NAV2: variants seen among roughly 807,000 people sequenced by gnomAD.
The protein encoded by NAV2 is neuron navigator 2.
Under a neutral mutation model 223.2 loss-of-function variants are expected in NAV2, and 54 were observed. The observed-to-expected ratio is 0.24, with a 90% CI of 0.19 to 0.30. NAV2 has a LOEUF of 0.30. Ranked by LOEUF, NAV2 falls within the 10% of genes least tolerant of loss-of-function variation. The pLI is 1.00. For synonymous variants in NAV2, 1,279 were observed against 1,239.3 expected (o/e 1.03, Z -0.67); for missense variants, 2,806 against 3,147.5 (o/e 0.89, Z 2.60).
chr11:19,872,114 A>C (rs903748703), intron 4 of NAV2, among the ~76,000 whole-genome samples: 13 of 152,138 alleles, frequency 8.5e-5, no homozygotes, highest in African/African-American at 3.1e-4. Flanking sequence ...CAAACTTACA[A>C]AAAGCAAGGG....
chr11:19,750,389 C>G (rs2053711101), intron 1 of NAV2, among the ~76,000 whole-genome samples: 1 of 152,192 alleles, frequency 6.6e-6, no homozygotes, highest in African/African-American at 2.4e-5. Flanking sequence ...ATTTTCTCCC[C>G]AGGTATTTTT....
chr11:19,825,826 A>G (rs993047229), intron 1 of NAV2, among the ~76,000 whole-genome samples: 1 of 152,152 alleles, frequency 6.6e-6, no homozygotes, highest in Non-Finnish European at 1.5e-5. Flanking sequence ...TTTGATGTGG[A>G]ATGATGTGGA....
At chr11:19,548,021 C>T (rs1415632694) in intron 1 of NAV2, among the ~76,000 whole-genome samples, 1 of 152,318 alleles carries the variant, frequency 6.6e-6, no homozygotes, top group East Asian at 1.9e-4. Context: ...CCACACATCA[C>T]CTAGCTGGTG....
chr11:19,867,362 T>G (rs780275258), intron 3 of NAV2, among the ~76,000 whole-genome samples: 8 of 152,224 alleles, frequency 5.3e-5, no homozygotes, highest in Non-Finnish European at 1.0e-4. Flanking sequence ...CCATTGACAT[T>G]GACCTGTGTA....
intron 3 of NAV2, among the ~76,000 whole-genome samples, chr11:19,844,946 G>C (rs116128919): frequency 0.015 from 2,316 of 152,072 alleles, 54 homozygotes; most frequent in African/African-American, 0.053. Context: ...GTAGTTCAGC[G>C]TACAGGATGT....
At chr11:20,001,975 G>A (rs1308769755) in intron 11 of NAV2, among the ~76,000 whole-genome samples, 1 of 152,126 alleles carries the variant, frequency 6.6e-6, no homozygotes, top group African/African-American at 2.4e-5. Flanking sequence ...TAAGCAACAG[G>A]CACTTCTTTC....
intron 1 of NAV2, among the ~76,000 whole-genome samples, chr11:19,374,011 A>G (rs1373758178): frequency 2.0e-5 from 3 of 152,246 alleles, no homozygotes; most frequent in Non-Finnish European, 4.4e-5. Context: ...ATAATAATTT[A>G]TAACTTAAAA....
At chr11:19,642,516 A>G (rs1339481988) in intron 1 of NAV2, among the ~76,000 whole-genome samples, 1 of 152,136 alleles carries the variant, frequency 6.6e-6, no homozygotes, top group Non-Finnish European at 1.5e-5. Flanking sequence ...CTGCAGTTCC[A>G]CTGCTGGATT....
At chr11:20,052,273 G>A (rs780189902) in intron 17 of NAV2, among the ~76,000 whole-genome samples, 3 of 152,230 alleles carry the variant, frequency 2.0e-5, no homozygotes, top group Non-Finnish European at 2.9e-5. Context: ...GAACAGTAAT[G>A]TGAGGTAGGT....
At position 19,762,971 on chromosome 11, in the gene NAV2, T is replaced by C. The variant is rs116594530; in HGVS notation, c.267+49009T>C. Among the ~76,000 whole-genome samples, 657 of 152,278 alleles carry C rather than the reference T, an allele frequency of 4.3e-3. 7 individuals carry two copies. Among genetic ancestry groups the C allele is most frequent in the African/African-American group, 0.015 (636 of 41,544 alleles). On this transcript the variant is annotated intron_variant, in intron 1 of 37. Coordinates refer to ENST00000349880, the MANE Select transcript of NAV2 (RefSeq NM_145117.5). ...CTCCATAGGGTCTTTTGGTTACCTG[T>C]CCTCAATAGCACTTCATATTTTCCT...
intron 1 of NAV2, among the ~76,000 whole-genome samples, chr11:19,633,239 A>G (rs894018207): frequency 6.6e-6 from 1 of 152,082 alleles, no homozygotes; most frequent in Non-Finnish European, 1.5e-5. Context: ...CCCGCAATTC[A>G]GGGGCCTCTT....
At chr11:19,645,121 T>C (rs2047778151) in intron 1 of NAV2, among the ~76,000 whole-genome samples, 1 of 152,208 alleles carries the variant, frequency 6.6e-6, no homozygotes, top group Non-Finnish European at 1.5e-5. Flanking sequence ...AATCAAGGTG[T>C]CGAAAGGTCT....
chr11:19,962,153 C>T (rs1462504928), intron 10 of NAV2, among the ~76,000 whole-genome samples: 1 of 151,410 alleles, frequency 6.6e-6, no homozygotes, highest in Non-Finnish European at 1.5e-5. Context: ...CTGAGAGATC[C>T]AGAGTAGAGT....
intron 6 of NAV2, among the ~76,000 whole-genome samples, chr11:19,912,518 G>A (rs981283969): frequency 6.6e-5 from 10 of 152,290 alleles, no homozygotes; most frequent in African/African-American, 2.4e-4. Flanking sequence ...GTTGATCTTT[G>A]TGTCCCCATA....
exon 1 of NAV2, chr11:19,350,936 G>A (rs1318562129): frequency 4.5e-6 from 7 of 1,551,442 alleles, no homozygotes; most frequent in East Asian, 4.9e-5. Flanking sequence ...GGAGAGAGAG[G>A]ATTTTATTTC....
chr11:20,109,928 A>G (rs1438758623), intron 36 of NAV2, among the ~76,000 whole-genome samples: 1 of 152,244 alleles, frequency 6.6e-6, no homozygotes, highest in African/African-American at 2.4e-5. Context: ...ACTGGTTAAC[A>G]GTGGTTGGCG....
At chr11:19,590,523 CT>C (rs1565079984) in intron 1 of NAV2, among the ~76,000 whole-genome samples, 1 of 152,144 alleles carries the variant, frequency 6.6e-6, no homozygotes. Context: ...CTCTGAGGTC[CT>C]TTTCGGTTGC....
intron 1 of NAV2, among the ~76,000 whole-genome samples, chr11:19,684,929 G>C (rs2048981427): frequency 6.6e-6 from 1 of 152,192 alleles, no homozygotes; most frequent in African/African-American, 2.4e-5. Context: ...GCACATTGTA[G>C]GTGCTCAGTG....
chr11:19,946,191 A>G (rs1415450798), intron 8 of NAV2, among the ~76,000 whole-genome samples: 1 of 152,238 alleles, frequency 6.6e-6, no homozygotes, highest in Non-Finnish European at 1.5e-5. Context: ...AGGCACCTGA[A>G]GGAAGAATCT....
Sources: allele counts gnomAD v4.1 joint callset (sites outside exome capture counted in the v4.1 genomes callset), GRCh38; gene constraint gnomAD v4.1.1; transcripts MANE v1.5; gene names NCBI Gene and HGNC (gene_info 2026-07-23, HGNC 2026-07-21).